The following SGCE variants were observed in gnomAD, a reference collection of about 807,000 sequenced individuals.
SGCE encodes epsilon-sarcoglycan.
SGCE carries 26 observed loss-of-function variants against 57.8 expected under a neutral mutation model. The ratio of observed to expected loss-of-function variants is 0.45; its 90% confidence interval spans 0.33 to 0.62. SGCE has a LOEUF of 0.62. SGCE is among the 20% of genes least tolerant of loss of function. The pLI, the probability that SGCE is intolerant of heterozygous loss-of-function variation, is 0.02. For missense variants in SGCE, 468 were observed against 548.6 expected (o/e 0.85, Z 1.47); for synonymous variants, 183 against 189.5 (o/e 0.97, Z 0.28).
chr7:94,607,403 C>T (rs1024362877), intron 5 of SGCE, among the ~76,000 whole-genome samples: 2 of 152,114 alleles, frequency 1.3e-5, no homozygotes, highest in African/African-American at 4.8e-5. Context: ...CAAAAATCCT[C>T]AACAAAATAT....
intron 5 of SGCE, 116 bp downstream of exon 5, chr7:94,618,642 T>C: frequency 1.2e-6 from 1 of 805,150 alleles, no homozygotes. Context: ...CTTTACAATA[T>C]CTATTTCTTA....
At chr7:94,637,164 G>A (rs12704728) in intron 1 of SGCE, among the ~76,000 whole-genome samples, 20,451 of 151,930 alleles carry the variant, frequency 0.13, 1,544 homozygotes, top group South Asian at 0.25. Flanking sequence ...TAAAAGAGAT[G>A]ACTGGGATTC....
At chr7:94,628,521 CG>C (rs764735076) in intron 2 of SGCE, 162 bp from the exon 3 acceptor site, 1 of 575,678 alleles carries the variant, frequency 1.7e-6, no homozygotes. Context: ...TAGGGCACCA[CG>C]TTAAAAAAAA....
At chr7:94,648,002 C>T (rs578224485) in intron 1 of SGCE, among the ~76,000 whole-genome samples, 3 of 152,194 alleles carry the variant, frequency 2.0e-5, no homozygotes, top group Admixed American at 6.5e-5. Context: ...AAAAGTTCCA[C>T]GATAGCCGAG....
At chr7:94,632,372 G>A (rs139410620) in intron 1 of SGCE, among the ~76,000 whole-genome samples, 18 of 152,112 alleles carry the variant, frequency 1.2e-4, no homozygotes, top group South Asian at 2.1e-4. Flanking sequence ...ACATTTCTGC[G>A]TTCTACAGAG....
chr7:94,608,779 T>C (rs1050249418), intron 5 of SGCE, among the ~76,000 whole-genome samples: 1 of 152,184 alleles, frequency 6.6e-6, no homozygotes, highest in Non-Finnish European at 1.5e-5. Context: ...ATAAATCTAT[T>C]CAACTAATCT....
At chr7:94,586,382 A>G (rs1796916675) in intron 10 of SGCE, among the ~76,000 whole-genome samples, 1 of 152,242 alleles carries the variant, frequency 6.6e-6, no homozygotes. Flanking sequence ...CAGATAGAAG[A>G]ATTTAGAAAT....
chr7:94,647,376 C>T (rs1346201184), intron 1 of SGCE, among the ~76,000 whole-genome samples: 2 of 152,114 alleles, frequency 1.3e-5, no homozygotes, highest in Non-Finnish European at 2.9e-5. Context: ...AAATATCCCT[C>T]CTATCTTCAT....
chr7:94,601,571 A>G lies in SGCE; in HGVS notation c.826-714T>C, dbSNP rs535755394. On this transcript the variant is annotated intron_variant, in intron 6 of 10. Transcript: ENST00000648936. Reference sequence around the variant, plus strand: ...TATGCTAAGGTTTTTATTGAAGGACACTAAAAATATAGCCATGTGAAATTT... The same window carrying G: ...TATGCTAAGGTTTTTATTGAAGGACGCTAAAAATATAGCCATGTGAAATTT... Among the ~76,000 whole-genome samples the G allele has an allele frequency of 7.2e-5, 11 of 151,810 alleles. No individual in the cohort carries two copies. The South Asian group carries it at 2.3e-3, about 32-fold the overall frequency.
chr7:94,617,893 A>G (rs535467150), intron 5 of SGCE: 1 of 152,230 alleles, frequency 6.6e-6, no homozygotes, highest in Non-Finnish European at 1.5e-5. Context: ...TCTAGATATC[A>G]CCTGTATAAA....
intron 1 of SGCE, among the ~76,000 whole-genome samples, chr7:94,652,022 C>A (rs1299175611): frequency 6.6e-6 from 1 of 151,744 alleles, no homozygotes; most frequent in Non-Finnish European, 1.5e-5. Context: ...AACTGGATTC[C>A]GAAGTTTAGA....
intron 1 of SGCE, among the ~76,000 whole-genome samples, chr7:94,637,838 C>T (rs920845047): frequency 1.3e-5 from 2 of 152,136 alleles, no homozygotes; most frequent in Admixed American, 1.3e-4. Context: ...GAGGAAGAGT[C>T]TTCAGAGATC....
At chr7:94,586,388 G>A (rs886342088) in intron 10 of SGCE, 10 of 152,158 alleles carry the variant, frequency 6.6e-5, no homozygotes, top group Admixed American at 6.5e-4. Flanking sequence ...GAAGAATTTA[G>A]AAATTGAGAA....
In SGCE at chr7:94,594,128, TAGAA is replaced by T. The variant is rs200023764; in HGVS notation, c.1253+4643_1253+4646del. Among the ~76,000 whole-genome samples, 900 of 152,228 alleles carry T rather than the reference TAGAA, an allele frequency of 5.9e-3. 12 individuals are homozygous for T. Among genetic ancestry groups the T allele is most frequent in the African/African-American group, 0.02 (847 of 41,564 alleles). ...ATTAAATTTTTTTCATTTAAATAATTAGAAAGGGCAATCATTGAGGTACACCGGT... is the reference window on the plus strand; with the variant it reads ...ATTAAATTTTTTTCATTTAAATAATTAGGGCAATCATTGAGGTACACCGGT... On this transcript the variant is annotated intron_variant, in intron 9 of 10. Transcript: ENST00000648936.
chr7:94,596,354 A>G (rs986100860), intron 9 of SGCE, among the ~76,000 whole-genome samples: 2 of 152,120 alleles, frequency 1.3e-5, no homozygotes, highest in Non-Finnish European at 2.9e-5. Context: ...AATGACAGCA[A>G]CCTTTTTCCG....
In SGCE at chr7:94,585,357, T is replaced by A. The variant is rs1223666333; in HGVS notation, c.*142A>T. The A allele has an allele frequency of 1.2e-5, 8 of 659,126 alleles. No individual in the cohort carries two copies. The Admixed American group carries it at 1.9e-4, about 15-fold the overall frequency. The allele number at this position is 659,126 out of a possible 1,614,324, so 40.8% of individuals were successfully genotyped here. A position where few individuals can be genotyped will look rare whatever the true frequency, so the allele number is the denominator to read the frequency against. Reference sequence around the variant, plus strand: ...CATTAGTAAAATGAAAGTTATGTTGTATTATTTGGTATACACTTAATACTG... The same window carrying A: ...CATTAGTAAAATGAAAGTTATGTTGAATTATTTGGTATACACTTAATACTG... On this transcript the variant is annotated 3_prime_UTR_variant, in exon 11 of 11. Coordinates refer to ENST00000648936, the MANE Select transcript of SGCE (RefSeq NM_003919.3).
At chr7:94,596,531 C>G (rs1396460893) in intron 9 of SGCE, among the ~76,000 whole-genome samples, 1 of 152,068 alleles carries the variant, frequency 6.6e-6, no homozygotes, top group African/African-American at 2.4e-5. Context: ...CTATTCTGAC[C>G]TTTTCCTATG....
intron 1 of SGCE, among the ~76,000 whole-genome samples, chr7:94,640,368 A>G (rs895828728): frequency 6.6e-6 from 1 of 152,198 alleles, no homozygotes; most frequent in Non-Finnish European, 1.5e-5. Flanking sequence ...CACATACATC[A>G]GGCTCTTACA....
At chr7:94,655,802 G>C (rs1808565021) in intron 1 of SGCE, among the ~76,000 whole-genome samples, 188 bp downstream of exon 1, 1 of 151,078 alleles carries the variant, frequency 6.6e-6, no homozygotes, top group Non-Finnish European at 1.5e-5. Flanking sequence ...GGTCAAGCCT[G>C]GGGAGAGAGA....
Sources: allele counts gnomAD v4.1 joint callset (sites outside exome capture counted in the v4.1 genomes callset), GRCh38; gene constraint gnomAD v4.1.1; transcripts MANE v1.5; gene names NCBI Gene and HGNC (gene_info 2026-07-23, HGNC 2026-07-21).